HAGH: variants seen among roughly 807,000 people sequenced by gnomAD.
HAGH encodes hydroxyacylglutathione hydrolase, mitochondrial.
Under a neutral mutation model 35.1 loss-of-function variants are expected in HAGH, and 29 were observed. The observed-to-expected ratio is 0.83, with a 90% CI of 0.62 to 1.13. The LOEUF (loss-of-function observed/expected upper bound fraction) is 1.13, where lower values mean the gene tolerates loss of function less well. HAGH is among the 50% of genes most tolerant of loss of function. The pLI, the probability that HAGH is intolerant of heterozygous loss-of-function variation, is 0.00. For synonymous variants in HAGH, 225 were observed against 176.1 expected, an observed-to-expected ratio of 1.28 and a Z score of -2.20; for missense variants, 478 against 419.6, an observed-to-expected ratio of 1.14 and a Z score of -1.22.
At chr16:1,809,728 C>G in intron 8 of HAGH, 26 bp downstream of exon 8, 1 of 1,529,060 alleles carries the variant, frequency 6.5e-7, no homozygotes, top group Non-Finnish European at 9.1e-7. Context: ...GAGGGGCCCG[C>G]GCCCACCACC....
chr16:1,822,994 C>A lies in HAGH; in HGVS notation c.120G>T (p.Lys40Asn), dbSNP rs1251319155. 1 of 1,613,984 alleles carries A rather than the reference C, an allele frequency of 6.2e-7. No homozygotes were observed. Among genetic ancestry groups the A allele is most frequent in the Admixed American group, 1.7e-5 (1 of 60,036 alleles). Residue 40 changes from lysine (K) to asparagine (N), a missense_variant, in exon 2 of 9, where the codon AAG becomes AAT. Lys to Asn is a moderately conservative substitution (Grantham distance 94). Transcript: ENST00000397356. ...TGGTGCCCTCGTCCACGGTCAGGTT[C>A]TTCCGCAAATCTGTGTGGCAGAAAA... ...LGVFCHTDLR[K>N]NLTVDEGTMK...
rs1166557863 is a variant in HAGH at position 1,809,021 on chromosome 16, C to T, written c.*262G>A. On this transcript the variant is annotated 3_prime_UTR_variant, in exon 9 of 9. Coordinates refer to ENST00000397356, the MANE Select transcript of HAGH (RefSeq NM_005326.6). The stretch of plus-strand genomic sequence containing the variant: ...ACCTGAAGCGTGGGTGGGGGGACTG[C>T]AGTGGCTCACGGAGGAGGAAGGAGG... The T allele has an allele frequency of 4.2e-6, 2 of 478,316 alleles. No homozygotes were observed. Among genetic ancestry groups the T allele is most frequent in the African/African-American group, 1.9e-5 (1 of 51,388 alleles). The allele number at this position is 478,316 out of a possible 1,614,324, so 29.6% of individuals were successfully genotyped here.
intron 1 of HAGH, among the ~76,000 whole-genome samples, chr16:1,825,552 A>G (rs1898362745): frequency 6.6e-6 from 1 of 152,160 alleles, no homozygotes; most frequent in African/African-American, 2.4e-5. Context: ...GACCAAGTCC[A>G]GAAACATGTT....
upstream of HAGH, chr16:1,827,007 C>T (rs1274657300): frequency 1.5e-6 from 1 of 661,236 alleles, no homozygotes; most frequent in Non-Finnish European, 2.4e-6. Flanking sequence ...GGCGGCGGCC[C>T]GAGAGCTGCG....
chr16:1,818,005 CCTT>C (rs1449875254), intron 5 of HAGH, among the ~76,000 whole-genome samples: 1 of 152,236 alleles, frequency 6.6e-6, no homozygotes, highest in Non-Finnish European at 1.5e-5. Context: ...GGCCAGGAGT[CCTT>C]CTGGGCACGA....
At chr16:1,817,754 C>T (rs1897972591) in intron 5 of HAGH, among the ~76,000 whole-genome samples, 2 of 152,352 alleles carry the variant, frequency 1.3e-5, no homozygotes, top group South Asian at 4.1e-4. Context: ...CACCCAGGCT[C>T]CTTCCGGCCT....
At position 1,822,818 on chromosome 16, in the gene HAGH, C is replaced by T. The variant is rs759610905; in HGVS notation, c.249+47G>A. The T allele has an allele frequency of 3.1e-5, 49 of 1,567,142 alleles. No homozygotes were observed. In the Middle Eastern group the frequency reaches 1.1e-3, roughly 34 times the overall value. ...GGAAACCCATCGGGGGTGAGGACTC[C>T]GAGCTGGGTGACCAGGGCAGGGAGA... On this transcript the variant is annotated intron_variant, in intron 2 of 8. Transcript: ENST00000397356.
chr16:1,811,873 GC>G (rs1450508046), intron 7 of HAGH, among the ~76,000 whole-genome samples: 1 of 151,828 alleles, frequency 6.6e-6, no homozygotes, highest in Non-Finnish European at 1.5e-5. Flanking sequence ...TGACACCCAC[GC>G]AATAGTATAT....
Position 1,820,125 on chromosome 16 carries a change from G to A in HAGH, c.315-111C>T. The A allele has an allele frequency of 1.8e-5, 13 of 742,820 alleles. No homozygotes were observed. In the South Asian group the frequency reaches 2.0e-4, roughly 11 times the overall value. The allele number at this position is 742,820 out of a possible 1,614,324, so 46.0% of individuals were successfully genotyped here. Reference sequence around the variant, plus strand: ...GGCTGCCTGCTGCTCTTAAACCCTAGTCAAACGCAACACTTATTTTCCACT... The same window carrying A: ...GGCTGCCTGCTGCTCTTAAACCCTAATCAAACGCAACACTTATTTTCCACT... On this transcript the variant is annotated intron_variant, in intron 3 of 8. Transcript: ENST00000397356.
At chr16:1,822,214 G>T in intron 3 of HAGH, 86 bp downstream of exon 3, 1 of 819,614 alleles carries the variant, frequency 1.2e-6, no homozygotes, top group Non-Finnish European at 2.1e-6. Flanking sequence ...CAGAGCCGTG[G>T]GGGGAGACAG....
chr16:1,820,990 G>A (rs529002495), intron 3 of HAGH, among the ~76,000 whole-genome samples: 6 of 152,296 alleles, frequency 3.9e-5, no homozygotes, highest in South Asian at 4.1e-4. Flanking sequence ...CGTCTGCGGC[G>A]AGGCCGGGAG....
intron 3 of HAGH, among the ~76,000 whole-genome samples, chr16:1,820,898 T>C (rs1012284660): frequency 1.3e-5 from 2 of 152,190 alleles, no homozygotes; most frequent in South Asian, 2.1e-4. Flanking sequence ...GCTGAAGCTA[T>C]GGCCTGGCTT....
intron 8 of HAGH, 121 bp downstream of exon 8, chr16:1,809,633 C>G: frequency 1.3e-6 from 1 of 788,944 alleles, no homozygotes; most frequent in South Asian, 1.5e-5. Flanking sequence ...TGCGGCTGCA[C>G]CTGTGACAGC....
intron 7 of HAGH, chr16:1,810,430 G>C (rs2516314): frequency 0.84 from 128,111 of 153,156 alleles, 53,645 homozygotes; most frequent in Middle Eastern, 0.89. Flanking sequence ...CACAGCTGCA[G>C]CCTCACAGCA....
Position 1,809,622 on chromosome 16 carries a change from C to T in HAGH, c.827+132G>A, listed in dbSNP as rs1897546380. The T allele has an allele frequency of 1.3e-5, 10 of 755,120 alleles. No homozygotes were observed. In the South Asian group the frequency reaches 1.5e-4, roughly 12 times the overall value. The allele number at this position is 755,120 out of a possible 1,614,324, so 46.8% of individuals were successfully genotyped here. On this transcript the variant is annotated intron_variant, in intron 8 of 8. Coordinates refer to ENST00000397356, the MANE Select transcript of HAGH (RefSeq NM_005326.6). ...CCCCCTCAAGAAGAGTGCTCGGGCTCTGCGGCTGCACCTGTGACAGCTCCC... is the reference window on the plus strand; with the variant it reads ...CCCCCTCAAGAAGAGTGCTCGGGCTTTGCGGCTGCACCTGTGACAGCTCCC...
chr16:1,816,716 G>A (rs1239375866), intron 7 of HAGH, among the ~76,000 whole-genome samples, 177 bp downstream of exon 7: 3 of 152,214 alleles, frequency 2.0e-5, no homozygotes, highest in African/African-American at 7.2e-5. Flanking sequence ...GAGGCAGAGG[G>A]ATCTCCATAG....
intron 3 of HAGH, among the ~76,000 whole-genome samples, chr16:1,820,889 C>T (rs576361466): frequency 1.3e-5 from 2 of 152,344 alleles, no homozygotes; most frequent in South Asian, 4.1e-4. Flanking sequence ...CCCCACCCCG[C>T]TGAAGCTATG....
At chr16:1,822,262 GC>G in intron 3 of HAGH, 37 bp downstream of exon 3, 1 of 1,431,598 alleles carries the variant, frequency 7.0e-7, no homozygotes, top group Non-Finnish European at 9.8e-7. Flanking sequence ...CGAGAAGTGA[GC>G]CAGGTCCCAC....
At chr16:1,816,534 G>C in intron 7 of HAGH, among the ~76,000 whole-genome samples, 1 of 152,110 alleles carries the variant, frequency 6.6e-6, no homozygotes. Context: ...CGCCATGGAG[G>C]CTCACGTGGG....
Sources: allele counts gnomAD v4.1 joint callset (sites outside exome capture counted in the v4.1 genomes callset), GRCh38; gene constraint gnomAD v4.1.1; transcripts MANE v1.5; gene names NCBI Gene and HGNC (gene_info 2026-07-23, HGNC 2026-07-21).